CYP24A1: variants seen among roughly 807,000 people sequenced by gnomAD.
CYP24A1 encodes 1,25-dihydroxyvitamin D(3) 24-hydroxylase, mitochondrial.
In CYP24A1, 68 loss-of-function variants were observed where a neutral mutation model predicts 62.4. That is an observed-to-expected ratio of 1.09 (90% CI 0.90 to 1.33). The LOEUF (loss-of-function observed/expected upper bound fraction) is 1.33, where lower values mean the gene tolerates loss of function less well. Among genes scored for constraint, CYP24A1 ranks in the 40% most tolerant of loss-of-function variants. The probability of loss-of-function intolerance (pLI) is 0.00; values close to 1 mark genes in which losing one functional copy is unlikely to be tolerated. For missense variants in CYP24A1, 787 were observed against 653.0 expected, an observed-to-expected ratio of 1.21 and a Z score of -2.24; for synonymous variants, 267 against 253.0, an observed-to-expected ratio of 1.06 and a Z score of -0.52.
At chr20:54,171,890 A>G in intron 2 of CYP24A1, 1 of 1,176,484 alleles carries the variant, frequency 8.5e-7, no homozygotes, top group East Asian at 2.9e-5. Flanking sequence ...CTTTCCTCCT[A>G]GTCAAAGATT....
downstream of CYP24A1, among the ~76,000 whole-genome samples, chr20:54,149,873 G>A (rs1353875670): frequency 6.6e-6 from 1 of 152,204 alleles, no homozygotes; most frequent in Non-Finnish European, 1.5e-5. Flanking sequence ...GATGCCCTTG[G>A]TGTGGTTCTA....
chr20:54,168,620 GTCTTCTTACTA>G (rs1329154492), intron 4 of CYP24A1, among the ~76,000 whole-genome samples: 1 of 152,122 alleles, frequency 6.6e-6, no homozygotes, highest in African/African-American at 2.4e-5. Context: ...TACCTCAAAT[GTCTTCTTACTA>G]AAAAAGACTT....
chr20:54,157,659 T>C (rs1257318919), intron 9 of CYP24A1, 74 bp from the exon 10 acceptor site: 3 of 905,620 alleles, frequency 3.3e-6, no homozygotes, highest in Non-Finnish European at 5.5e-6. Context: ...TGACACAAGT[T>C]GTCACCTTAC....
chr20:54,151,440 A>T (rs2092612227), downstream of CYP24A1, among the ~76,000 whole-genome samples: 1 of 152,066 alleles, frequency 6.6e-6, no homozygotes. Flanking sequence ...TTTACCCTAA[A>T]TACTGGAAAC....
At chr20:54,167,760 G>A (rs2092677265) in intron 4 of CYP24A1, among the ~76,000 whole-genome samples, 1 of 147,652 alleles carries the variant, frequency 6.8e-6, no homozygotes, top group South Asian at 2.2e-4. Context: ...GGCAGAGTGA[G>A]AGTCTGTCTC....
At position 54,154,127 on chromosome 20, in the gene CYP24A1, T is replaced by A. The variant is rs1414283508; in HGVS notation, c.*645A>T. 6.6e-6 allele frequency: 1 copy of A among 152,098 alleles called. No individual in the cohort carries two copies. The highest frequency in any genetic ancestry group is 1.5e-5 in the Non-Finnish European group (1 of 68,000). 9.4% of individuals were successfully genotyped at this position (152,098 alleles called of 1,614,324 possible). On this transcript the variant is annotated 3_prime_UTR_variant, in exon 12 of 12. Coordinates refer to ENST00000216862, the MANE Select transcript of CYP24A1 (RefSeq NM_000782.5). ...ATATGCACATACACAATTTAAAAATTATTGCTTCATCTTTACCCTAATGCC... is the reference window on the plus strand; with the variant it reads ...ATATGCACATACACAATTTAAAAATAATTGCTTCATCTTTACCCTAATGCC...
rs946859646 is a variant in CYP24A1, at chr20:54,157,429, G to A, written c.1393C>T (p.Arg465Cys). ...FGVGKRMCIG[R>C]RLAELQLHLA... ...TGCAGTTGAAGCTCTGCTAATCGGC[G>A]ACCAATGCACATTCTTTTTCCAACG... Residue 465 changes from arginine (R) to cysteine (C), a missense_variant, in exon 10 of 12, where the codon CGC becomes TGC. Transcript: ENST00000216862. 5.6e-6 allele frequency: 9 copies of A among 1,605,608 alleles called. No individual in the cohort carries two copies. The highest frequency in any genetic ancestry group is 1.3e-5 in the African/African-American group (1 of 74,760).
the CYP24A1 span, among the ~76,000 whole-genome samples, chr20:54,144,176 C>G: frequency 6.6e-6 from 1 of 151,074 alleles, no homozygotes; most frequent in Non-Finnish European, 1.5e-5. Context: ...GGGTTTAATT[C>G]TTTGCTGCTA....
At chr20:54,148,332 CCTT>C in the CYP24A1 span, among the ~76,000 whole-genome samples, 2 of 150,386 alleles carry the variant, frequency 1.3e-5, no homozygotes, top group African/African-American at 4.9e-5. Context: ...TTGGTTTTGT[CCTT>C]CTTTTTCTCT....
chr20:54,147,592 A>C, the CYP24A1 span, among the ~76,000 whole-genome samples: 3 of 152,196 alleles, frequency 2.0e-5, no homozygotes, highest in Non-Finnish European at 4.4e-5. Context: ...ACAACTGTTA[A>C]ATGTTAGTAA....
the CYP24A1 span, among the ~76,000 whole-genome samples, chr20:54,148,369 GACACACACAC>G: frequency 1.5e-3 from 197 of 133,478 alleles, 1 homozygote; most frequent in African/African-American, 5.1e-3. Context: ...CAGACACACA[GACACACACAC>G]ACACACACAC....
intron 4 of CYP24A1, among the ~76,000 whole-genome samples, chr20:54,168,816 C>CTCCT (rs1290796652): frequency 1.8e-4 from 9 of 50,136 alleles, no homozygotes; most frequent in East Asian, 6.9e-4. Flanking sequence ...CCCTCCCTCC[C>CTCCT]TCCTTCCTTC....
At chr20:54,162,969 T>G in intron 6 of CYP24A1, 107 bp from the exon 7 acceptor site, 1 of 758,426 alleles carries the variant, frequency 1.3e-6, no homozygotes, top group Non-Finnish European at 2.4e-6. Flanking sequence ...CTAAATAGTC[T>G]TTTCAGGAAC....
At chr20:54,164,329 CTG>C (rs1376683773) in intron 6 of CYP24A1, 121 bp downstream of exon 6, 2 of 1,573,560 alleles carry the variant, frequency 1.3e-6, no homozygotes, top group African/African-American at 2.7e-5. Context: ...CCCAAAACAC[CTG>C]TGTTTGCAAA....
intron 4 of CYP24A1, among the ~76,000 whole-genome samples, chr20:54,166,715 T>C (rs1302425065): frequency 6.6e-6 from 1 of 151,956 alleles, no homozygotes; most frequent in Non-Finnish European, 1.5e-5. Flanking sequence ...AAAAATTATC[T>C]CTTGTAACCT....
Position 54,173,505 on chromosome 20 carries a change from C to CG in CYP24A1, c.74dup (p.Arg26GlufsTer80), listed in dbSNP as rs1303679676. The CG allele has an allele frequency of 1.9e-6, 3 of 1,567,652 alleles. No homozygotes were observed. Among genetic ancestry groups the CG allele is most frequent in the African/African-American group, 2.7e-5 (2 of 73,974 alleles). On this transcript the variant is annotated frameshift_variant, in exon 1 of 12. Transcript: ENST00000216862. LOFTEE classifies it high-confidence loss of function. The surrounding 1 kb of genome is among the most constrained non-coding windows in gnomAD (Gnocchi z 7.2). ...TGTACGCCGTAGATGTCACCAGTCT[C>CG]GGGGGCTGCCTCGGACTGCGCAGCT...
downstream of CYP24A1, among the ~76,000 whole-genome samples, chr20:54,151,771 A>G (rs988447118): frequency 6.6e-5 from 10 of 152,134 alleles, no homozygotes; most frequent in East Asian, 7.8e-4. Flanking sequence ...CATGACGTGC[A>G]TCCCACAGGT....
At chr20:54,172,754 A>T (rs914680359) in intron 2 of CYP24A1, 155 bp downstream of exon 2, 2 of 1,499,352 alleles carry the variant, frequency 1.3e-6, no homozygotes, top group Non-Finnish European at 1.8e-6. Flanking sequence ...ACAAGAGCTC[A>T]GGGTTGCGAT....
intron 6 of CYP24A1, among the ~76,000 whole-genome samples, chr20:54,163,192 GGCT>G (rs1308107078): frequency 6.6e-6 from 1 of 152,124 alleles, no homozygotes; most frequent in Non-Finnish European, 1.5e-5. Context: ...GATGCCACTG[GGCT>G]GCAGGTCATA....
Sources: gnomAD v4.1 joint callset for allele counts (sites outside exome capture counted in the v4.1 genomes callset) on GRCh38, gnomAD v4.1.1 for gene constraint, Gnocchi (gnomAD v3.1) non-coding constraint, MANE v1.5 for transcripts, NCBI Gene and HGNC (gene_info 2026-07-23, HGNC 2026-07-21) for gene names.